Variants in SLC35F5 observed in about 807,000 individuals in gnomAD.
SLC35F5 encodes solute carrier family 35 member F5.
SLC35F5 carries 54 observed loss-of-function variants against 68.6 expected under a neutral mutation model. That is an observed-to-expected ratio of 0.79 (90% CI 0.63 to 0.99). SLC35F5 has a LOEUF of 0.99. Among genes scored for constraint, SLC35F5 ranks in the 50% least tolerant of loss-of-function variants. The probability of loss-of-function intolerance (pLI) is 0.00; values close to 1 mark genes in which losing one functional copy is unlikely to be tolerated. For missense variants in SLC35F5, 567 were observed against 626.9 expected (o/e 0.90, Z 1.02); for synonymous variants, 211 against 205.2 (o/e 1.03, Z -0.24).
At chr2:113,745,238 A>T (rs1559356108) in intron 5 of SLC35F5, among the ~76,000 whole-genome samples, 1 of 152,198 alleles carries the variant, frequency 6.6e-6, no homozygotes, top group Non-Finnish European at 1.5e-5. Flanking sequence ...AAATGATATT[A>T]AATTATTTTA....
At chr2:113,729,019 A>T (rs1417274459) in intron 11 of SLC35F5, among the ~76,000 whole-genome samples, 1 of 152,256 alleles carries the variant, frequency 6.6e-6, no homozygotes, top group Non-Finnish European at 1.5e-5. Context: ...ATTCGGGGGC[A>T]GTCTCCCCAG....
chr2:113,748,992 C>T (rs1336888438), intron 4 of SLC35F5, among the ~76,000 whole-genome samples: 4 of 152,166 alleles, frequency 2.6e-5, no homozygotes, highest in South Asian at 2.1e-4. Flanking sequence ...TTAGTAGAGA[C>T]GGGGTTTCAC....
intron 10 of SLC35F5, among the ~76,000 whole-genome samples, chr2:113,730,541 A>G (rs1326610153): frequency 6.6e-6 from 1 of 152,228 alleles, no homozygotes; most frequent in African/African-American, 2.4e-5. Context: ...CAATTTAGAA[A>G]GCATTGTTCT....
At position 113,725,510 on chromosome 2, in the gene SLC35F5, A is replaced by G. The variant is rs756192632; in HGVS notation, c.1118T>C (p.Leu373Pro). ...FGFVGLFNLL[L>P]LWPGFFLLHY... ...AAGTAAAAAGAAACCTGGCCATAAG[A>G]GCAGCAGATTAAACAAACCTACAAA... Residue 373 changes from leucine (L) to proline (P), a missense_variant, in exon 12 of 16, where the codon CTC becomes CCC. Coordinates refer to ENST00000245680, the MANE Select transcript of SLC35F5 (RefSeq NM_025181.5). The G allele has an allele frequency of 6.3e-7, 1 of 1,592,362 alleles. No individual in the cohort carries two copies. The highest frequency in any genetic ancestry group is 1.2e-5 in the South Asian group (1 of 86,400).
chr2:113,746,395 C>A, intron 4 of SLC35F5, 56 bp from the exon 5 acceptor site: 1 of 1,395,252 alleles, frequency 7.2e-7, no homozygotes, highest in South Asian at 1.2e-5. Context: ...TACTGTAGGA[C>A]TAGTCAGACG....
intron 15 of SLC35F5, 79 bp from the exon 16 acceptor site, chr2:113,715,274 C>T (rs1427648969): frequency 6.6e-6 from 1 of 152,088 alleles, no homozygotes; most frequent in Non-Finnish European, 1.5e-5. Flanking sequence ...TTTTAAAAAG[C>T]AAATTATCTT....
In SLC35F5 at chr2:113,756,456, C is replaced by CCTCGGA; in HGVS notation, c.-53_-48dup. On this transcript the variant is annotated 5_prime_UTR_variant, in exon 1 of 16. Transcript: ENST00000245680. ...CAGCCGCCCAGCGCCACGGCCGCGG[C>CCTCGGA]CTCGGACTCACAGAGCTGTCACCGC... 6.5e-7 allele frequency: 1 copy of CCTCGGA among 1,537,036 alleles called. No homozygotes were observed. The highest frequency in any genetic ancestry group is 1.2e-5 in the South Asian group (1 of 83,838).
intron 4 of SLC35F5, among the ~76,000 whole-genome samples, chr2:113,746,989 A>C (rs1676517876): frequency 6.6e-6 from 1 of 151,966 alleles, no homozygotes; most frequent in Non-Finnish European, 1.5e-5. Context: ...TTTTGACCTC[A>C]AAAACCTCTG....
chr2:113,754,221 C>T (rs546282930), intron 3 of SLC35F5, among the ~76,000 whole-genome samples: 82 of 147,014 alleles, frequency 5.6e-4, no homozygotes, highest in Non-Finnish European at 8.8e-4. Flanking sequence ...ACCCGGGAGG[C>T]GGAGGTTGCA....
At chr2:113,729,635 C>G (rs974356037) in intron 10 of SLC35F5, 130 bp from the exon 11 acceptor site, 2 of 611,842 alleles carry the variant, frequency 3.3e-6, no homozygotes, top group Non-Finnish European at 5.7e-6. Context: ...ATATAAATCA[C>G]CTTTATATTG....
At chr2:113,742,960 G>A (rs1057034241) in intron 6 of SLC35F5, 81 bp from the exon 7 acceptor site, 14 of 1,317,458 alleles carry the variant, frequency 1.1e-5, no homozygotes, top group African/African-American at 1.5e-5. Context: ...ACTGATAAAT[G>A]TATAAGTTCA....
chr2:113,735,561 T>C (rs1409121804), intron 8 of SLC35F5, among the ~76,000 whole-genome samples: 1 of 152,340 alleles, frequency 6.6e-6, no homozygotes, highest in South Asian at 2.1e-4. Context: ...TATAATCTTA[T>C]GGGACCACCA....
At position 113,719,291 on chromosome 2, in the gene SLC35F5, TA is replaced by T; in HGVS notation, c.1358del (p.Leu453TyrfsTer16). The T allele has an allele frequency of 6.5e-7, 1 of 1,541,708 alleles. No individual in the cohort carries two copies. The highest frequency in any genetic ancestry group is 1.3e-5 in the South Asian group (1 of 79,484). ...MCMQKVQFSW[L>X]FFAGAIPVFF... ...ATACAGGGATAGCTCCTGCAAAAAA[TA>T]ACCAAGAAAACTGCACCTAAAAATA... On this transcript the variant is annotated frameshift_variant, in exon 14 of 16. Transcript: ENST00000245680. LOFTEE classifies it high-confidence loss of function.
rs1686967617 is a variant in SLC35F5 at position 113,711,051 on chromosome 2, G to C, written c.*4167C>G. Reference sequence around the variant, plus strand: ...AACTAAAAATTTCATGAAGTGACCTGTTAAGAGTTTCAATTTAGAAGCTTT... The same window carrying C: ...AACTAAAAATTTCATGAAGTGACCTCTTAAGAGTTTCAATTTAGAAGCTTT... On this transcript the variant is annotated 3_prime_UTR_variant, in exon 16 of 16. Coordinates refer to ENST00000245680, the MANE Select transcript of SLC35F5 (RefSeq NM_025181.5). Among the ~76,000 whole-genome samples the C allele has an allele frequency of 6.6e-6, 1 of 152,178 alleles. No homozygotes were observed. Among genetic ancestry groups the C allele is most frequent in the Non-Finnish European group, 1.5e-5 (1 of 68,028 alleles).
At chr2:113,721,037 A>C (rs1167415918) in intron 13 of SLC35F5, among the ~76,000 whole-genome samples, 1 of 152,180 alleles carries the variant, frequency 6.6e-6, no homozygotes, top group African/African-American at 2.4e-5. Context: ...AATATGATCA[A>C]GGATGCTTTC....
At position 113,709,717 on chromosome 2, in the gene SLC35F5, G is replaced by GA. The variant is rs1686916513; in HGVS notation, c.*5500dup. Among the ~76,000 whole-genome samples the GA allele has an allele frequency of 6.6e-6, 1 of 152,150 alleles. No homozygotes were observed. Among genetic ancestry groups the GA allele is most frequent in the South Asian group, 2.1e-4 (1 of 4,830 alleles). On this transcript the variant is annotated 3_prime_UTR_variant, in exon 16 of 16. Coordinates refer to ENST00000245680, the MANE Select transcript of SLC35F5 (RefSeq NM_025181.5). ...GGACCAGCAGCTGGGGCATTACCTG[G>GA]ACGCTTGTTAGAAAGGCAAATTACC...
intron 13 of SLC35F5, among the ~76,000 whole-genome samples, chr2:113,721,868 T>A (rs1301622690): frequency 1.3e-5 from 2 of 151,660 alleles, no homozygotes; most frequent in Non-Finnish European, 2.9e-5. Context: ...TCTTTAACCA[T>A]GACAAATAAG....
intron 2 of SLC35F5, 25 bp from the exon 3 acceptor site, chr2:113,755,331 CATTAG>C: frequency 1.2e-6 from 2 of 1,610,006 alleles, no homozygotes; most frequent in Non-Finnish European, 1.7e-6. Flanking sequence ...ATACAGATCA[CATTAG>C]AGATGATTTT....
In SLC35F5 at chr2:113,714,232, T is replaced by C. The variant is rs193028739; in HGVS notation, c.*986A>G. On this transcript the variant is annotated 3_prime_UTR_variant, in exon 16 of 16. Coordinates refer to ENST00000245680, the MANE Select transcript of SLC35F5 (RefSeq NM_025181.5). The stretch of plus-strand genomic sequence containing the variant: ...CCTTACTTACTTGGTACTTTAACCA[T>C]TACAAATTTATTCAGGAAAACTAAA... The C allele has an allele frequency of 5.9e-5, 9 of 152,258 alleles. No individual in the cohort carries two copies. The highest frequency in any genetic ancestry group is 1.3e-4 in the Non-Finnish European group (9 of 67,968). The allele number at this position is 152,258 out of a possible 1,614,324, so 9.4% of individuals were successfully genotyped here. A position where few individuals can be genotyped will look rare whatever the true frequency, so the allele number is the denominator to read the frequency against.
Sources: allele counts gnomAD v4.1 joint callset (sites outside exome capture counted in the v4.1 genomes callset), GRCh38; gene constraint gnomAD v4.1.1; transcripts MANE v1.5; gene names NCBI Gene and HGNC (gene_info 2026-07-23, HGNC 2026-07-21).